AGBL1: variants seen among roughly 807,000 people sequenced by gnomAD.
AGBL1 encodes the protein cytosolic carboxypeptidase 4.
A neutral mutation model predicts 118.9 loss-of-function variants in AGBL1; 130 were observed. The ratio of observed to expected loss-of-function variants is 1.09; its 90% confidence interval spans 0.95 to 1.26. AGBL1 has a LOEUF of 1.26. AGBL1 is among the 50% of genes most tolerant of loss of function. The pLI is 0.00. For synonymous variants in AGBL1, 555 were observed against 478.9 expected, an observed-to-expected ratio of 1.16 and a Z score of -2.08; for missense variants, 1,584 against 1,298.1, an observed-to-expected ratio of 1.22 and a Z score of -3.38.
At chr15:86,289,516 A>G (rs12906334) in intron 16 of AGBL1, among the ~76,000 whole-genome samples, 9,402 of 152,256 alleles carry the variant, frequency 0.062, 328 homozygotes, top group Middle Eastern at 0.095. Context: ...ATAGGTAATG[A>G]TGTTTTTATG....
At chr15:86,316,839 T>G (rs377250053) in intron 17 of AGBL1, 15 of 152,466 alleles carry the variant, frequency 9.8e-5, no homozygotes, top group African/African-American at 3.4e-4. Context: ...TGATCTCAGT[T>G]GAGCACTCGG....
At chr15:86,141,977 A>G (rs1188461732) in intron 1 of AGBL1, 27 bp from the exon 2 acceptor site, 1 of 1,547,202 alleles carries the variant, frequency 6.5e-7, no homozygotes, top group Non-Finnish European at 8.7e-7. Context: ...GCATTCTTAA[A>G]TATGGCTGCC....
chr15:86,980,217 G>C (rs1376705859), intron 23 of AGBL1, among the ~76,000 whole-genome samples: 5 of 152,148 alleles, frequency 3.3e-5, no homozygotes, highest in Admixed American at 3.3e-4. Context: ...AATATTCTCT[G>C]AATAATTGGT....
At chr15:86,509,502 C>T (rs2083026558) in intron 18 of AGBL1, among the ~76,000 whole-genome samples, 2 of 151,994 alleles carry the variant, frequency 1.3e-5, no homozygotes, top group South Asian at 4.1e-4. Flanking sequence ...TTTACACATC[C>T]TTTTTTAGGT....
intron 24 of AGBL1, among the ~76,000 whole-genome samples, chr15:87,015,382 AGTCT>A (rs1261116032): frequency 1.3e-5 from 2 of 152,004 alleles, no homozygotes; most frequent in South Asian, 2.1e-4. Context: ...CTATCTATCT[AGTCT>A]GTCTATCTAT....
chr15:86,421,599 C>T (rs1779342441), intron 18 of AGBL1, among the ~76,000 whole-genome samples: 1 of 152,112 alleles, frequency 6.6e-6, no homozygotes, highest in African/African-American at 2.4e-5. Flanking sequence ...TCACACATAA[C>T]AATATTAACC....
intron 22 of AGBL1, among the ~76,000 whole-genome samples, chr15:86,710,102 A>G (rs945629615): frequency 6.6e-6 from 1 of 152,206 alleles, no homozygotes; most frequent in Non-Finnish European, 1.5e-5. Flanking sequence ...AAAGGTACTA[A>G]ATAGAAGGAT....
intron 17 of AGBL1, among the ~76,000 whole-genome samples, chr15:86,361,246 T>C (rs976125587): frequency 6.6e-6 from 1 of 152,018 alleles, no homozygotes; most frequent in Non-Finnish European, 1.5e-5. Context: ...TTAATTTCCA[T>C]ATATTTTCTC....
chr15:86,634,326 C>T (rs1374346980), intron 21 of AGBL1, among the ~76,000 whole-genome samples: 1 of 152,062 alleles, frequency 6.6e-6, no homozygotes, highest in African/African-American at 2.4e-5. Flanking sequence ...AGCCGGATAA[C>T]TGATGAAAGA....
At chr15:86,652,949 C>G (rs943322153) in intron 21 of AGBL1, among the ~76,000 whole-genome samples, 3 of 152,248 alleles carry the variant, frequency 2.0e-5, no homozygotes, top group African/African-American at 7.2e-5. Flanking sequence ...CAATTTCTTG[C>G]AATGCACAGA....
rs748755624 is a variant in AGBL1 at position 86,158,956 on chromosome 15, A to G, written c.418A>G (p.Ile140Val). The change falls in exon 5 of 23, where the codon ATT (isoleucine) becomes GTT (valine). Residue 140 changes from isoleucine (I) to valine (V), a missense_variant. By Grantham distance (29) the Ile-to-Val change is conservative. Coordinates refer to ENST00000614907, the MANE Select transcript of AGBL1 (RefSeq NM_001386094.1). ...AGTCTCCATGGGAGCCATGCTGGGAATTAATGGAGCCATGGAACTGCTTTT... is the reference window on the plus strand; with the variant it reads ...AGTCTCCATGGGAGCCATGCTGGGAGTTAATGGAGCCATGGAACTGCTTTT... ...SSVSMGAMLG[I>V]NGAMELLFKV... The G allele has an allele frequency of 1.5e-5, 25 of 1,613,168 alleles. No homozygotes were observed. The highest frequency in any genetic ancestry group is 5.9e-6 in the Non-Finnish European group (7 of 1,179,374).
intron 23 of AGBL1, among the ~76,000 whole-genome samples, chr15:86,982,599 T>A (rs1227802029): frequency 6.6e-6 from 1 of 152,118 alleles, no homozygotes; most frequent in East Asian, 1.9e-4. Context: ...GACCAACCCC[T>A]CCTCTTCTTC....
intron 22 of AGBL1, among the ~76,000 whole-genome samples, chr15:86,865,115 T>TG (rs2079607648): frequency 6.6e-6 from 1 of 152,190 alleles, no homozygotes; most frequent in African/African-American, 2.4e-5. Context: ...AAATAGCTGT[T>TG]GGGTGAACGG....
chr15:86,198,420 T>A lies in AGBL1; in HGVS notation c.489-26494T>A, dbSNP rs145855846. 7.6e-3 allele frequency among the ~76,000 whole-genome samples: 1,155 copies of A among 152,220 alleles called. 11 individuals carry two copies. Among genetic ancestry groups the A allele is most frequent in the Middle Eastern group, 0.014 (4 of 294 alleles). On this transcript the variant is annotated intron_variant, in intron 5 of 22. Coordinates refer to ENST00000614907, the MANE Select transcript of AGBL1 (RefSeq NM_001386094.1). ...CTGATGCTAAAATGAGGTGAGACTT[T>A]TGAAGCTGTTGGGATGGAGTGGATG...
chr15:86,341,466 T>C (rs1032695310), intron 17 of AGBL1, among the ~76,000 whole-genome samples: 2 of 152,200 alleles, frequency 1.3e-5, no homozygotes, highest in African/African-American at 4.8e-5. Flanking sequence ...ACTTTTCAGA[T>C]ACTTTTTATA....
intron 4 of AGBL1, 127 bp from the exon 5 acceptor site, chr15:86,158,805 TG>T: frequency 1.4e-6 from 1 of 724,286 alleles, no homozygotes. Flanking sequence ...GCAACCAGGG[TG>T]GAAAAGAAAG....
At chr15:86,392,668 A>G (rs1030955036) in intron 17 of AGBL1, among the ~76,000 whole-genome samples, 4 of 152,126 alleles carry the variant, frequency 2.6e-5, no homozygotes, top group African/African-American at 9.7e-5. Context: ...CATTGGCCTA[A>G]AGGCCTGATA....
chr15:86,746,144 A>G (rs778425647), intron 22 of AGBL1, among the ~76,000 whole-genome samples: 23 of 152,182 alleles, frequency 1.5e-4, no homozygotes, highest in Middle Eastern at 6.8e-3. Context: ...CTGTAGCCCA[A>G]GAGAGTTTTC....
At chr15:86,456,599 G>A (rs1222436255) in intron 18 of AGBL1, among the ~76,000 whole-genome samples, 1 of 152,162 alleles carries the variant, frequency 6.6e-6, no homozygotes, top group Non-Finnish European at 1.5e-5. Flanking sequence ...TCTGTAGGCT[G>A]GATCTCACAT....
Sources: gnomAD v4.1 joint callset for allele counts (sites outside exome capture counted in the v4.1 genomes callset) on GRCh38, gnomAD v4.1.1 for gene constraint, MANE v1.5 for transcripts, NCBI Gene and HGNC (gene_info 2026-07-23, HGNC 2026-07-21) for gene names.